Variants in HMGCLL1 observed in about 807,000 individuals in gnomAD.
The protein encoded by HMGCLL1 is 3-hydroxymethyl-3-methylglutaryl-CoA lyase, cytoplasmic.
HMGCLL1 carries 36 observed loss-of-function variants against 39.1 expected under a neutral mutation model. That is an observed-to-expected ratio of 0.92 (90% CI 0.71 to 1.22). The LOEUF (loss-of-function observed/expected upper bound fraction) is 1.22, where lower values mean the gene tolerates loss of function less well. Ranked by LOEUF, HMGCLL1 falls within the 50% of genes most tolerant of loss-of-function variation. The pLI, the probability that HMGCLL1 is intolerant of heterozygous loss-of-function variation, is 0.00. For synonymous variants in HMGCLL1, 149 were observed against 144.0 expected (o/e 1.03, Z -0.25); for missense variants, 451 against 416.5 (o/e 1.08, Z -0.72).
At chr6:55,476,695 A>C (rs2127407440) in intron 7 of HMGCLL1, among the ~76,000 whole-genome samples, 1 of 151,794 alleles carries the variant, frequency 6.6e-6, no homozygotes, top group African/African-American at 2.4e-5. Flanking sequence ...GTTAAACTAG[A>C]ATTTCTGGGA....
chr6:55,560,799 C>A (rs1770908534), intron 1 of HMGCLL1, among the ~76,000 whole-genome samples: 1 of 152,102 alleles, frequency 6.6e-6, no homozygotes, highest in Admixed American at 6.6e-5. Context: ...ACCATTATTT[C>A]CTCACAAAAA....
At chr6:55,661,868 T>C in the HMGCLL1 span, among the ~76,000 whole-genome samples, 1 of 152,016 alleles carries the variant, frequency 6.6e-6, no homozygotes, top group African/African-American at 2.4e-5. Context: ...TTTTCATTTG[T>C]TTATGTAATC....
the HMGCLL1 span, among the ~76,000 whole-genome samples, chr6:55,650,100 T>TATATATATATATATATACACACATATAC: frequency 3.0e-5 from 1 of 33,180 alleles, no homozygotes; most frequent in Admixed American, 3.7e-4. Flanking sequence ...CATATATATA[T>TATATATATATATATATACACACATATAC]ATATATATAT....
intron 1 of HMGCLL1, among the ~76,000 whole-genome samples, chr6:55,551,204 A>T (rs1770311406): frequency 6.6e-6 from 1 of 151,898 alleles, no homozygotes; most frequent in Admixed American, 6.6e-5. Context: ...GGTAAAGAAG[A>T]ATACCAAAAA....
the HMGCLL1 span, among the ~76,000 whole-genome samples, chr6:55,672,892 T>C: frequency 6.6e-6 from 1 of 151,950 alleles, no homozygotes; most frequent in Non-Finnish European, 1.5e-5. Flanking sequence ...CGCATTCACA[T>C]GGAAAACCTT....
In HMGCLL1 at chr6:55,439,489, C is replaced by T; in HGVS notation, c.866G>A (p.Gly289Glu). ...GGCPYAKGASGNVATEDLIYM... is the reference protein window; with the variant it reads ...GGCPYAKGASENVATEDLIYM... Reference sequence around the variant, plus strand: ...TATCAAATCCTCAGTGGCTACATTCCCAGAAGCACCTTTTGCATAAGGGCA... The same window carrying T: ...TATCAAATCCTCAGTGGCTACATTCTCAGAAGCACCTTTTGCATAAGGGCA... The change falls in exon 8 of 9, where the codon GGG becomes GAG. Residue 289 changes from glycine (G) to glutamate (E), a missense_variant. Coordinates refer to ENST00000274901, the MANE Select transcript of HMGCLL1 (RefSeq NM_001042406.2). 1 of 1,612,814 alleles carries T rather than the reference C, an allele frequency of 6.2e-7. No individual in the cohort carries two copies. Among genetic ancestry groups the T allele is most frequent in the Admixed American group, 1.7e-5 (1 of 59,888 alleles).
the HMGCLL1 span, among the ~76,000 whole-genome samples, chr6:55,610,555 C>T: frequency 6.6e-6 from 1 of 152,124 alleles, no homozygotes; most frequent in African/African-American, 2.4e-5. Flanking sequence ...GAACCTATGA[C>T]TGAATGGAGC....
intron 5 of HMGCLL1, chr6:55,513,418 T>A (rs1414640876): frequency 6.6e-6 from 1 of 152,122 alleles, no homozygotes; most frequent in Non-Finnish European, 1.5e-5. Flanking sequence ...AAATCACATA[T>A]AATAGAAAAT....
chr6:55,659,054 G>A, the HMGCLL1 span, among the ~76,000 whole-genome samples: 2 of 151,992 alleles, frequency 1.3e-5, no homozygotes, highest in South Asian at 4.1e-4. Flanking sequence ...AGTTGATTTA[G>A]CATAATGTTA....
intron 7 of HMGCLL1, among the ~76,000 whole-genome samples, chr6:55,456,832 G>A (rs1764344809): frequency 1.3e-5 from 2 of 152,132 alleles, no homozygotes; most frequent in South Asian, 2.1e-4. Flanking sequence ...GCAACGGTGG[G>A]TTCCTGCTAT....
At chr6:55,673,191 C>T in the HMGCLL1 span, among the ~76,000 whole-genome samples, 1 of 152,052 alleles carries the variant, frequency 6.6e-6, no homozygotes, top group East Asian at 1.9e-4. Flanking sequence ...TGTGTCTCCT[C>T]ATAGCTCCTG....
intron 1 of HMGCLL1, among the ~76,000 whole-genome samples, chr6:55,545,052 T>C (rs1257449304): frequency 6.6e-6 from 1 of 152,098 alleles, no homozygotes; most frequent in Admixed American, 6.6e-5. Flanking sequence ...TTATTACCTC[T>C]AGTCTTCAGT....
chr6:55,530,042 A>C (rs1294307176), intron 3 of HMGCLL1, among the ~76,000 whole-genome samples: 1 of 146,218 alleles, frequency 6.8e-6, no homozygotes, highest in East Asian at 2.0e-4. Flanking sequence ...AAACCTCAGA[A>C]AACCTGAAAC....
the HMGCLL1 span, among the ~76,000 whole-genome samples, chr6:55,627,836 TTGTGGG>T: frequency 8.3e-6 from 1 of 120,022 alleles, no homozygotes; most frequent in African/African-American, 3.2e-5. Flanking sequence ...AGACAGCTTA[TTGTGGG>T]ACCTTGTGAT....
At chr6:55,440,517 C>T (rs555943995) in intron 7 of HMGCLL1, among the ~76,000 whole-genome samples, 8 of 152,116 alleles carry the variant, frequency 5.3e-5, no homozygotes, top group Non-Finnish European at 1.2e-4. Context: ...AGAAGGGCCC[C>T]GGAGTTCAAA....
chr6:55,569,498 G>A (rs183631907), intron 1 of HMGCLL1, among the ~76,000 whole-genome samples: 1 of 152,230 alleles, frequency 6.6e-6, no homozygotes, highest in African/African-American at 2.4e-5. Context: ...AAAATTGCAG[G>A]CTTTAGAACT....
chr6:55,672,569 G>T, the HMGCLL1 span, among the ~76,000 whole-genome samples: 1 of 151,536 alleles, frequency 6.6e-6, no homozygotes, highest in African/African-American at 2.4e-5. Context: ...CCAGTTCGAG[G>T]GTATGTAATA....
chr6:55,449,365 G>A (rs1296129552), intron 7 of HMGCLL1, among the ~76,000 whole-genome samples: 1 of 152,184 alleles, frequency 6.6e-6, no homozygotes, highest in East Asian at 1.9e-4. Context: ...AAACGCAGAT[G>A]ACATTGAGGC....
intron 1 of HMGCLL1, among the ~76,000 whole-genome samples, chr6:55,572,987 G>A (rs745534600): frequency 5.3e-5 from 8 of 152,162 alleles, no homozygotes; most frequent in Non-Finnish European, 7.4e-5. Flanking sequence ...GAGCAACTGA[G>A]AAGCCAAAAC....
Sources: gnomAD v4.1 joint callset for allele counts (sites outside exome capture counted in the v4.1 genomes callset) on GRCh38, gnomAD v4.1.1 for gene constraint, MANE v1.5 for transcripts, NCBI Gene and HGNC (gene_info 2026-07-23, HGNC 2026-07-21) for gene names.